JPH3: variants seen among roughly 807,000 people sequenced by gnomAD.
The protein encoded by JPH3 is junctophilin-3.
JPH3 carries 11 observed loss-of-function variants against 59.6 expected under a neutral mutation model. The observed-to-expected ratio is 0.18, with a 90% CI of 0.12 to 0.31. JPH3 has a LOEUF of 0.31. Ranked by LOEUF, JPH3 falls within the 10% of genes least tolerant of loss-of-function variation. JPH3 has a pLI of 1.00. For missense variants in JPH3, 1,202 were observed against 1,105.7 expected (o/e 1.09, Z -1.24); for synonymous variants, 673 against 483.6 (o/e 1.39, Z -5.14).
At chr16:87,662,032 G>T (rs1392587386) in intron 2 of JPH3, among the ~76,000 whole-genome samples, 1 of 152,194 alleles carries the variant, frequency 6.6e-6, no homozygotes, top group African/African-American at 2.4e-5. Flanking sequence ...TCACAAATTT[G>T]ATTTTTAAGG....
chr16:87,644,038 T>C (rs2032045935), intron 1 of JPH3, among the ~76,000 whole-genome samples: 1 of 152,198 alleles, frequency 6.6e-6, no homozygotes, highest in South Asian at 2.1e-4. Context: ...CGCAGGAGGC[T>C]GAGGCAGGAG....
chr16:87,684,116 C>A (rs201180463), intron 2 of JPH3, 26 bp from the exon 3 acceptor site: 3 of 1,603,340 alleles, frequency 1.9e-6, no homozygotes, highest in Non-Finnish European at 2.6e-6. Context: ...CCTGCCCCCC[C>A]TCACGCTCCT....
intron 1 of JPH3, among the ~76,000 whole-genome samples, chr16:87,631,965 T>C (rs2031578996): frequency 2.0e-5 from 3 of 152,230 alleles, no homozygotes; most frequent in Non-Finnish European, 4.4e-5. Flanking sequence ...TCCCACCTGC[T>C]GCATTTTCTG....
chr16:87,650,860 G>GA (rs1210366534), intron 2 of JPH3, among the ~76,000 whole-genome samples: 2 of 152,238 alleles, frequency 1.3e-5, no homozygotes, highest in East Asian at 1.9e-4. Context: ...AGTGCAAGGT[G>GA]AGGGAGCAGG....
intron 1 of JPH3, among the ~76,000 whole-genome samples, chr16:87,638,194 T>C (rs4843641): frequency 0.82 from 124,953 of 152,176 alleles, 51,781 homozygotes; most frequent in African/African-American, 0.87. Context: ...GCTGAGATTA[T>C]AGGCATGAGC....
intron 1 of JPH3, among the ~76,000 whole-genome samples, chr16:87,629,819 C>T (rs1440956162): frequency 1.3e-5 from 2 of 152,140 alleles, no homozygotes; most frequent in East Asian, 1.9e-4. Context: ...TGATGAAAAC[C>T]ATGGCTCTGG....
intron 2 of JPH3, among the ~76,000 whole-genome samples, chr16:87,665,612 C>G (rs956634160): frequency 1.3e-5 from 2 of 152,224 alleles, no homozygotes; most frequent in African/African-American, 4.8e-5. Context: ...CCACATAGCT[C>G]TAAGGCCTGG....
chr16:87,668,988 C>T (rs770351486), intron 2 of JPH3, among the ~76,000 whole-genome samples: 8 of 152,174 alleles, frequency 5.3e-5, no homozygotes, highest in Non-Finnish European at 8.8e-5. Context: ...TTAATCTTCT[C>T]GGAGGTCCTG....
chr16:87,665,251 G>A (rs2883762), intron 2 of JPH3, among the ~76,000 whole-genome samples: 20 of 152,328 alleles, frequency 1.3e-4, no homozygotes, highest in Non-Finnish European at 2.8e-4. Context: ...GGCTGCCCGG[G>A]ACCTGCTGTT....
chr16:87,680,184 C>T (rs1205595785), intron 2 of JPH3, among the ~76,000 whole-genome samples: 1 of 152,258 alleles, frequency 6.6e-6, no homozygotes, highest in African/African-American at 2.4e-5. Context: ...AGGAGGCTGG[C>T]TTCCTCTGGC....
chr16:87,667,361 C>A (rs543972314), intron 2 of JPH3, among the ~76,000 whole-genome samples: 3 of 152,318 alleles, frequency 2.0e-5, no homozygotes, highest in African/African-American at 7.2e-5. Context: ...TAGGGGCCAC[C>A]ATTCAGCTGA....
intron 1 of JPH3, among the ~76,000 whole-genome samples, chr16:87,633,238 C>T (rs7200317): frequency 0.025 from 3,818 of 152,058 alleles, 157 homozygotes; most frequent in African/African-American, 0.087. Flanking sequence ...CCTCTGTATG[C>T]CTCTGAGTCC....
At chr16:87,623,003 C>T (rs927568122) in intron 1 of JPH3, among the ~76,000 whole-genome samples, 2 of 152,130 alleles carry the variant, frequency 1.3e-5, no homozygotes, top group African/African-American at 4.8e-5. Flanking sequence ...AGAGGGGGAC[C>T]TGGTGGAGGT....
chr16:87,639,670 GTC>G (rs2031878951), intron 1 of JPH3, among the ~76,000 whole-genome samples: 1 of 151,446 alleles, frequency 6.6e-6, no homozygotes, highest in Admixed American at 6.6e-5. Context: ...CCTCCCTCCT[GTC>G]CTCCCTCCTG....
At chr16:87,671,076 G>A (rs2033002380) in intron 2 of JPH3, among the ~76,000 whole-genome samples, 1 of 152,090 alleles carries the variant, frequency 6.6e-6, no homozygotes, top group Non-Finnish European at 1.5e-5. Context: ...TGCACCCGGA[G>A]TTTAACACTG....
intron 2 of JPH3, among the ~76,000 whole-genome samples, chr16:87,668,078 C>T (rs562206742): frequency 2.0e-5 from 3 of 152,300 alleles, no homozygotes; most frequent in African/African-American, 7.2e-5. Flanking sequence ...CTCTGACTAC[C>T]GTGATGAGCA....
At chr16:87,659,381 AAAAAAGAAAAAAAAAAAG>A (rs2032623389) in intron 2 of JPH3, among the ~76,000 whole-genome samples, 1 of 132,064 alleles carries the variant, frequency 7.6e-6, no homozygotes, top group African/African-American at 2.8e-5. Flanking sequence ...TCTCAAAAAA[AAAAAAGAAAAAAAAAAAG>A]AAAACTACAC....
At chr16:87,609,844 G>A (rs940271065) in intron 1 of JPH3, among the ~76,000 whole-genome samples, 1 of 152,152 alleles carries the variant, frequency 6.6e-6, no homozygotes, top group African/African-American at 2.4e-5. Context: ...TACCGCCCAG[G>A]GTTGAGGGAT....
intron 3 of JPH3, among the ~76,000 whole-genome samples, chr16:87,687,320 G>C (rs2033442522): frequency 6.6e-6 from 1 of 152,196 alleles, no homozygotes; most frequent in Non-Finnish European, 1.5e-5. Context: ...GGTGGAATCA[G>C]GATTTAAAAC....
Sources: gnomAD v4.1 joint callset for allele counts (sites outside exome capture counted in the v4.1 genomes callset) on GRCh38, gnomAD v4.1.1 for gene constraint, MANE v1.5 for transcripts, NCBI Gene and HGNC (gene_info 2026-07-23, HGNC 2026-07-21) for gene names.